POLD3: variants seen among roughly 807,000 people sequenced by gnomAD.
POLD3 encodes the protein DNA polymerase delta subunit 3.
A neutral mutation model predicts 58.2 loss-of-function variants in POLD3; 19 were observed. The observed-to-expected ratio is 0.33, with a 90% CI of 0.23 to 0.48. The LOEUF (loss-of-function observed/expected upper bound fraction) is 0.48. Among genes scored for constraint, POLD3 ranks in the 20% least tolerant of loss-of-function variants. The pLI is 0.99. For synonymous variants in POLD3, 172 were observed against 193.5 expected (o/e 0.89, Z 0.92); for missense variants, 504 against 545.5 (o/e 0.92, Z 0.76).
chr11:74,657,447 GTTA>G (rs530146869), intron 4 of POLD3, among the ~76,000 whole-genome samples: 26 of 151,626 alleles, frequency 1.7e-4, no homozygotes, highest in Admixed American at 6.6e-4. Flanking sequence ...TTGATTTGAG[GTTA>G]TTATGAGGCT....
At chr11:74,614,854 A>G (rs555276532) in intron 5 of POLD3, among the ~76,000 whole-genome samples, 5 of 152,296 alleles carry the variant, frequency 3.3e-5, no homozygotes, top group African/African-American at 1.2e-4. Flanking sequence ...AGGGGAATAT[A>G]ACAGGAGGAG....
chr11:74,657,188 C>T, intron 4 of POLD3, among the ~76,000 whole-genome samples: 2 of 150,690 alleles, frequency 1.3e-5, no homozygotes, highest in Admixed American at 6.6e-5. Flanking sequence ...AAATATGTTT[C>T]TTATAGGCAA....
chr11:74,662,249 G>A (rs368982491), intron 4 of POLD3, among the ~76,000 whole-genome samples: 3 of 152,102 alleles, frequency 2.0e-5, no homozygotes, highest in East Asian at 3.9e-4. Context: ...TTTCTCAAGC[G>A]GGAGTCTCTC....
rs1847127175 is a variant in POLD3 at position 74,596,288 on chromosome 11, A to G, written c.116+2172A>G. Among the ~76,000 whole-genome samples, 4 of 149,278 alleles carry G rather than the reference A, an allele frequency of 2.7e-5. No homozygotes were observed. The Admixed American group carries it at 2.7e-4, about 10-fold the overall frequency. On this transcript the variant is annotated intron_variant, in intron 2 of 11. Transcript: ENST00000263681. ...AACCTCCGCCTCCCTGGTTCAAGCT[A>G]TTCTACTGCCTCAACCTCCGAGGTA...
chr11:74,603,425 A>T (rs2031568947), intron 2 of POLD3, among the ~76,000 whole-genome samples: 1 of 152,200 alleles, frequency 6.6e-6, no homozygotes, highest in African/African-American at 2.4e-5. Context: ...GTTTCAGCAG[A>T]TGATGTTGTT....
chr11:74,641,938 C>A lies in POLD3; in HGVS notation c.*1172C>A. 1.0e-6 allele frequency: 1 copy of A among 985,334 alleles called. No homozygotes were observed. The highest frequency in any genetic ancestry group is 4.7e-5 in the South Asian group (1 of 21,286). 61.0% of individuals were successfully genotyped at this position (985,334 alleles called of 1,614,324 possible). A position where few individuals can be genotyped will look rare whatever the true frequency, so the allele number is the denominator to read the frequency against. ...GGAAAATCATCTATTACAATGATAACCTTCAAGTGACTTCCATTATGGCTG... is the reference window on the plus strand; with the variant it reads ...GGAAAATCATCTATTACAATGATAAACTTCAAGTGACTTCCATTATGGCTG... On this transcript the variant is annotated 3_prime_UTR_variant, in exon 12 of 12. Transcript: ENST00000263681.
chr11:74,637,806 C>CTTTT (rs11354555), intron 11 of POLD3, among the ~76,000 whole-genome samples: 1 of 143,812 alleles, frequency 7.0e-6, no homozygotes, highest in Admixed American at 6.9e-5. Flanking sequence ...TCACATTGCA[C>CTTTT]TTTTTTTTTT....
At chr11:74,651,327 G>T (rs1322619730) in intron 4 of POLD3, among the ~76,000 whole-genome samples, 1 of 152,142 alleles carries the variant, frequency 6.6e-6, no homozygotes, top group Admixed American at 6.5e-5. Flanking sequence ...TATCAACTTG[G>T]TTGAAAGCAT....
intron 4 of POLD3, among the ~76,000 whole-genome samples, chr11:74,649,334 T>C (rs1424982295): frequency 6.6e-6 from 1 of 152,192 alleles, no homozygotes; most frequent in African/African-American, 2.4e-5. Flanking sequence ...AATTAGGAAA[T>C]TCAATGGTAG....
At chr11:74,622,842 C>T (rs1033539606) in intron 7 of POLD3, among the ~76,000 whole-genome samples, 1 of 152,196 alleles carries the variant, frequency 6.6e-6, no homozygotes, top group Admixed American at 6.5e-5. Context: ...TAGATATCTA[C>T]ACAAGGGAAT....
At chr11:74,665,890 G>A (rs903485297) in intron 4 of POLD3, among the ~76,000 whole-genome samples, 54 of 152,256 alleles carry the variant, frequency 3.5e-4, no homozygotes, top group Admixed American at 2.7e-3. Flanking sequence ...CATTGTACTG[G>A]AGGCTCTAGC....
At chr11:74,661,370 A>G (rs781541395) in intron 4 of POLD3, among the ~76,000 whole-genome samples, 1 of 152,188 alleles carries the variant, frequency 6.6e-6, no homozygotes, top group Non-Finnish European at 1.5e-5. Flanking sequence ...AAGGGACTTC[A>G]GTGTTGAATC....
At chr11:74,668,856 G>C (rs1427837974) in exon 5 of POLD3, 1 of 1,178,252 alleles carries the variant, frequency 8.5e-7, no homozygotes, top group East Asian at 5.7e-5. Context: ...TGGAGAGGTA[G>C]GGTAGGATCT....
intron 5 of POLD3, among the ~76,000 whole-genome samples, chr11:74,616,538 G>A (rs926682145): frequency 3.3e-5 from 5 of 152,242 alleles, no homozygotes; most frequent in Admixed American, 6.5e-5. Context: ...GACGTTGACA[G>A]TGAAATAAAA....
chr11:74,641,517 CG>C lies in POLD3; in HGVS notation c.*752del. ...AGAAATTACCTCGAGTCAGCATTGACGATATTGGAGGAGCTGCCGTGCTGCT... is the reference window on the plus strand; with the variant it reads ...AGAAATTACCTCGAGTCAGCATTGACATATTGGAGGAGCTGCCGTGCTGCT... On this transcript the variant is annotated 3_prime_UTR_variant, in exon 12 of 12. Coordinates refer to ENST00000263681, the MANE Select transcript of POLD3 (RefSeq NM_006591.3). 2.0e-6 allele frequency: 2 copies of C among 985,346 alleles called. No homozygotes were observed. Among genetic ancestry groups the C allele is most frequent in the Non-Finnish European group, 2.4e-6 (2 of 829,914 alleles). The allele number at this position is 985,346 out of a possible 1,614,324, so 61.0% of individuals were successfully genotyped here.
At chr11:74,633,915 A>T (rs751311874) in intron 9 of POLD3, among the ~76,000 whole-genome samples, 3 of 152,188 alleles carry the variant, frequency 2.0e-5, no homozygotes, top group African/African-American at 7.2e-5. Context: ...GACTTCACCC[A>T]CCTCCAAGTT....
chr11:74,649,166 G>GAATTC (rs1294200038), intron 4 of POLD3, among the ~76,000 whole-genome samples: 1 of 152,140 alleles, frequency 6.6e-6, no homozygotes, highest in Non-Finnish European at 1.5e-5. Flanking sequence ...CATCTCCCTG[G>GAATTC]AATTCTTTGG....
At chr11:74,598,798 A>G (rs1230745998) in intron 2 of POLD3, among the ~76,000 whole-genome samples, 5 of 152,156 alleles carry the variant, frequency 3.3e-5, no homozygotes, top group Non-Finnish European at 1.5e-5. Flanking sequence ...GTGTTCCAGC[A>G]CAATGTAGAG....
At chr11:74,663,352 CT>C (rs1285908759) in intron 4 of POLD3, among the ~76,000 whole-genome samples, 1 of 152,148 alleles carries the variant, frequency 6.6e-6, no homozygotes, top group Non-Finnish European at 1.5e-5. Context: ...TTCTAGTAGG[CT>C]TTTTTGTAGA....
Sources: gnomAD v4.1 joint callset for allele counts (sites outside exome capture counted in the v4.1 genomes callset) on GRCh38, gnomAD v4.1.1 for gene constraint, MANE v1.5 for transcripts, NCBI Gene and HGNC (gene_info 2026-07-23, HGNC 2026-07-21) for gene names.